The following TMEM108 variants were observed in gnomAD, a reference collection of about 807,000 sequenced individuals.
The protein encoded by TMEM108 is transmembrane protein 108.
In TMEM108, 12 loss-of-function variants were observed where a neutral mutation model predicts 35.1. The ratio of observed to expected loss-of-function variants is 0.34; its 90% CI spans 0.22 to 0.55. TMEM108 has a LOEUF of 0.55. Among genes scored for constraint, TMEM108 ranks in the 20% least tolerant of loss-of-function variants. TMEM108 has a pLI of 0.89. For missense variants in TMEM108, 680 were observed against 753.3 expected (o/e 0.90, Z 1.14); for synonymous variants, 287 against 308.6 (o/e 0.93, Z 0.73).
intron 3 of TMEM108, among the ~76,000 whole-genome samples, chr3:133,254,163 T>G (rs1164684356): frequency 6.6e-6 from 1 of 152,132 alleles, no homozygotes; most frequent in Non-Finnish European, 1.5e-5. Context: ...CATAGCAAGA[T>G]CTCATCTCTA....
intron 3 of TMEM108, among the ~76,000 whole-genome samples, chr3:133,373,164 G>A (rs185245967): frequency 4.6e-5 from 7 of 152,002 alleles, no homozygotes; most frequent in African/African-American, 1.7e-4. Context: ...CCCAGGAGGT[G>A]GAGACCAGCA....
intron 2 of TMEM108, among the ~76,000 whole-genome samples, chr3:133,209,888 T>G (rs763671642): frequency 7.9e-5 from 12 of 152,132 alleles, no homozygotes; most frequent in Admixed American, 6.5e-4. Flanking sequence ...ACCTCATCTC[T>G]CTCCTTTTCA....
chr3:133,177,734 T>C (rs1272678059), intron 2 of TMEM108, among the ~76,000 whole-genome samples: 3 of 152,118 alleles, frequency 2.0e-5, no homozygotes, highest in African/African-American at 4.8e-5. Context: ...CTGGAAGCAT[T>C]CCCTTTGAAA....
At chr3:133,392,182 G>C (rs889778399) in intron 5 of TMEM108, among the ~76,000 whole-genome samples, 1 of 149,798 alleles carries the variant, frequency 6.7e-6, no homozygotes, top group South Asian at 2.1e-4. Flanking sequence ...TGTTTTTTGA[G>C]ATGAAGTCTC....
chr3:133,063,587 A>G (rs1943559818), intron 2 of TMEM108, among the ~76,000 whole-genome samples: 1 of 152,124 alleles, frequency 6.6e-6, no homozygotes, highest in African/African-American at 2.4e-5. Flanking sequence ...GAGGAATGGA[A>G]AGAGCCATAT....
intron 2 of TMEM108, among the ~76,000 whole-genome samples, chr3:133,054,258 A>G (rs1943439741): frequency 6.6e-6 from 1 of 152,262 alleles, no homozygotes; most frequent in Non-Finnish European, 1.5e-5. Flanking sequence ...GTGAAAAAGC[A>G]TGAATCTGTT....
intron 3 of TMEM108, among the ~76,000 whole-genome samples, chr3:133,280,139 T>C (rs1253695781): frequency 6.6e-6 from 1 of 151,770 alleles, no homozygotes; most frequent in Admixed American, 6.6e-5. Context: ...TGCTGAGGAG[T>C]CTGAAGCAGG....
chr3:133,293,941 A>G (rs774100444), intron 3 of TMEM108, among the ~76,000 whole-genome samples: 17 of 152,178 alleles, frequency 1.1e-4, no homozygotes, highest in Non-Finnish European at 2.5e-4. Flanking sequence ...GCTTCCGTAC[A>G]CCAAGGGGAG....
intron 5 of TMEM108, among the ~76,000 whole-genome samples, chr3:133,394,195 T>C (rs1296959543): frequency 5.3e-5 from 8 of 152,222 alleles, no homozygotes; most frequent in Non-Finnish European, 1.0e-4. Flanking sequence ...CCAGTTCATA[T>C]TCCACCATGT....
At chr3:133,264,004 C>T (rs1033825571) in intron 3 of TMEM108, among the ~76,000 whole-genome samples, 1 of 152,114 alleles carries the variant, frequency 6.6e-6, no homozygotes, top group Non-Finnish European at 1.5e-5. Flanking sequence ...AGATATTCTA[C>T]TTTCAAGAAG....
intron 2 of TMEM108, among the ~76,000 whole-genome samples, chr3:133,183,893 G>A (rs1203688107): frequency 6.6e-6 from 1 of 152,160 alleles, no homozygotes; most frequent in Non-Finnish European, 1.5e-5. Context: ...ACCAGCAAAC[G>A]GGAGATGGCC....
At chr3:133,338,087 A>G (rs533428685) in intron 3 of TMEM108, among the ~76,000 whole-genome samples, 17 of 152,286 alleles carry the variant, frequency 1.1e-4, no homozygotes, top group African/African-American at 4.1e-4. Flanking sequence ...GGGCAAATCT[A>G]AGAGTTATTG....
rs144943039 is a variant in TMEM108 at position 133,055,534 on chromosome 3, A to C, written c.-47+9514A>C. Reference sequence around the variant, plus strand: ...CTCCCCATGAGGTTCCTGCAGGATAAATGTGCACGGGGGGTGGTGGAGGCA... The same window carrying C: ...CTCCCCATGAGGTTCCTGCAGGATACATGTGCACGGGGGGTGGTGGAGGCA... On this transcript the variant is annotated intron_variant, in intron 2 of 5. Transcript: ENST00000321871. 7.9e-5 allele frequency among the ~76,000 whole-genome samples: 12 copies of C among 152,256 alleles called. 1 individual carries two copies. The highest frequency in any genetic ancestry group is 2.9e-4 in the African/African-American group (12 of 41,556).
intron 3 of TMEM108, among the ~76,000 whole-genome samples, chr3:133,272,447 A>G (rs1448450493): frequency 2.0e-5 from 3 of 152,192 alleles, no homozygotes; most frequent in South Asian, 4.1e-4. Context: ...TACCTTCTAA[A>G]TCAACTCATC....
chr3:133,222,856 T>TC (rs1384149317), intron 2 of TMEM108, among the ~76,000 whole-genome samples: 1 of 152,138 alleles, frequency 6.6e-6, no homozygotes. Flanking sequence ...ACTTTTTTTT[T>TC]CTCACTCTGT....
At chr3:133,315,433 A>G (rs1466673237) in intron 3 of TMEM108, among the ~76,000 whole-genome samples, 1 of 152,222 alleles carries the variant, frequency 6.6e-6, no homozygotes, top group East Asian at 1.9e-4. Context: ...GGGTCTGTGG[A>G]AGGAGGCCTG....
At chr3:133,117,750 G>T (rs562885484) in intron 2 of TMEM108, among the ~76,000 whole-genome samples, 2 of 152,100 alleles carry the variant, frequency 1.3e-5, no homozygotes, top group African/African-American at 4.8e-5. Context: ...AAGATTTTTG[G>T]GGTTTGATTG....
At chr3:133,379,011 C>T (rs1187561135) in intron 3 of TMEM108, among the ~76,000 whole-genome samples, 1 of 152,114 alleles carries the variant, frequency 6.6e-6, no homozygotes, top group Non-Finnish European at 1.5e-5. Context: ...TCTGGTTGCT[C>T]TTCTCTAGAC....
At chr3:133,275,149 A>G (rs1576426939) in intron 3 of TMEM108, among the ~76,000 whole-genome samples, 1 of 152,178 alleles carries the variant, frequency 6.6e-6, no homozygotes, top group South Asian at 2.1e-4. Context: ...CTCTGACTCT[A>G]CAACTAACTG....
Sources: allele counts gnomAD v4.1 joint callset (sites outside exome capture counted in the v4.1 genomes callset), GRCh38; gene constraint gnomAD v4.1.1; transcripts MANE v1.5; gene names NCBI Gene and HGNC (gene_info 2026-07-23, HGNC 2026-07-21).